The following HCRTR2 variants were observed in gnomAD, a reference collection of about 807,000 sequenced individuals.
The protein encoded by HCRTR2 is orexin receptor type 2.
Under a neutral mutation model 49.0 loss-of-function variants are expected in HCRTR2, and 22 were observed. The observed-to-expected ratio is 0.45, with a 90% CI of 0.32 to 0.64. The LOEUF (loss-of-function observed/expected upper bound fraction) is 0.64. Among genes scored for constraint, HCRTR2 ranks in the 30% least tolerant of loss-of-function variants. The pLI is 0.04. For synonymous variants in HCRTR2, 236 were observed against 205.3 expected (o/e 1.15, Z -1.28); for missense variants, 491 against 559.4 (o/e 0.88, Z 1.23).
intron 1 of HCRTR2, among the ~76,000 whole-genome samples, chr6:55,142,243 C>G (rs1764517495): frequency 6.6e-6 from 1 of 151,800 alleles, no homozygotes; most frequent in East Asian, 1.9e-4. Context: ...GTCGCCCAGG[C>G]TAGAGTGCAG....
intron 4 of HCRTR2, among the ~76,000 whole-genome samples, chr6:55,271,406 A>G (rs1039735410): frequency 1.3e-5 from 2 of 152,140 alleles, no homozygotes; most frequent in African/African-American, 4.8e-5. Context: ...AATGAATCAT[A>G]GATTTATATG....
chr6:55,199,981 G>T (rs183928957), intron 1 of HCRTR2, among the ~76,000 whole-genome samples: 2 of 152,264 alleles, frequency 1.3e-5, no homozygotes, highest in African/African-American at 4.8e-5. Context: ...GCAGAGTGTG[G>T]TGATTAAAGG....
chr6:55,150,565 T>G (rs1764651665), intron 1 of HCRTR2, among the ~76,000 whole-genome samples: 1 of 152,008 alleles, frequency 6.6e-6, no homozygotes, highest in East Asian at 1.9e-4. Context: ...TTTTTCATAT[T>G]TCTTGTATAA....
chr6:55,278,433 T>TGAG (rs1767121467), intron 5 of HCRTR2, among the ~76,000 whole-genome samples: 1 of 152,170 alleles, frequency 6.6e-6, no homozygotes, highest in Non-Finnish European at 1.5e-5. Context: ...AATATTATAT[T>TGAG]CCTCACAGCT....
At chr6:55,221,541 T>C (rs9396061) in intron 1 of HCRTR2, among the ~76,000 whole-genome samples, 36,317 of 152,014 alleles carry the variant, frequency 0.24, 5,443 homozygotes, top group East Asian at 0.69. Flanking sequence ...GGGCCGGGCG[T>C]GGTGGCTCAC....
chr6:55,247,230 A>G (rs1766462956), intron 1 of HCRTR2, among the ~76,000 whole-genome samples: 1 of 152,052 alleles, frequency 6.6e-6, no homozygotes, highest in South Asian at 2.1e-4. Flanking sequence ...GACTACAGTT[A>G]CCCTGATTAA....
intron 1 of HCRTR2, among the ~76,000 whole-genome samples, chr6:55,128,559 G>A (rs1764312378): frequency 6.6e-6 from 1 of 152,078 alleles, no homozygotes; most frequent in African/African-American, 2.4e-5. Flanking sequence ...CATGCTCATG[G>A]GAATATTTTT....
chr6:55,210,789 C>T (rs1453326017), intron 1 of HCRTR2, among the ~76,000 whole-genome samples: 2 of 152,158 alleles, frequency 1.3e-5, no homozygotes, highest in East Asian at 3.9e-4. Flanking sequence ...TAACTTGCAA[C>T]AGCAACAACA....
At chr6:55,259,182 C>T (rs895387270) in intron 3 of HCRTR2, among the ~76,000 whole-genome samples, 1 of 151,478 alleles carries the variant, frequency 6.6e-6, no homozygotes, top group Non-Finnish European at 1.5e-5. Context: ...AGTAGCATCT[C>T]TCTTTTTGAA....
At chr6:55,207,936 G>A (rs909549921) in intron 1 of HCRTR2, among the ~76,000 whole-genome samples, 12 of 152,094 alleles carry the variant, frequency 7.9e-5, no homozygotes, top group South Asian at 2.1e-4. Flanking sequence ...TGTAGTATCC[G>A]TGATCCTAGA....
intron 1 of HCRTR2, among the ~76,000 whole-genome samples, chr6:55,246,804 G>A (rs1766453565): frequency 2.0e-5 from 3 of 151,968 alleles, no homozygotes; most frequent in African/African-American, 7.2e-5. Flanking sequence ...GATGAAACTA[G>A]TTAATAATTT....
downstream of HCRTR2, among the ~76,000 whole-genome samples, chr6:55,283,639 T>C (rs1767235897): frequency 6.6e-6 from 1 of 152,120 alleles, no homozygotes; most frequent in Non-Finnish European, 1.5e-5. Context: ...TTCTTCTGAT[T>C]CAAATATTTA....
At chr6:55,165,826 A>G (rs878904629) in intron 1 of HCRTR2, among the ~76,000 whole-genome samples, 10 of 142,230 alleles carry the variant, frequency 7.0e-5, no homozygotes, top group Non-Finnish European at 1.4e-4. Flanking sequence ...GAATAACCCA[A>G]TCTAAAAAAA....
At position 55,183,914 on chromosome 6, in the gene HCRTR2, C is replaced by G. The variant is rs114484952; in HGVS notation, c.223+9104C>G. Among the ~76,000 whole-genome samples the G allele has an allele frequency of 4.5e-3, 679 of 151,916 alleles. 1 individual carries two copies. Among genetic ancestry groups the G allele is most frequent in the African/African-American group, 0.015 (622 of 41,450 alleles). On this transcript the variant is annotated intron_variant, in intron 1 of 6. Coordinates refer to ENST00000370862, the MANE Select transcript of HCRTR2 (RefSeq NM_001384272.1). Reference sequence around the variant, plus strand: ...TTGCTGAATATTTAAATTTGAGAAGCAATTTCTCTTTTTCTTTTTACTTTT... The same window carrying G: ...TTGCTGAATATTTAAATTTGAGAAGGAATTTCTCTTTTTCTTTTTACTTTT...
At chr6:55,221,540 G>C (rs896522895) in intron 1 of HCRTR2, among the ~76,000 whole-genome samples, 1 of 152,138 alleles carries the variant, frequency 6.6e-6, no homozygotes, top group Non-Finnish European at 1.5e-5. Context: ...TGGGCCGGGC[G>C]TGGTGGCTCA....
chr6:55,183,920 C>A (rs1485588905), intron 1 of HCRTR2, among the ~76,000 whole-genome samples: 2 of 151,890 alleles, frequency 1.3e-5, no homozygotes, highest in Non-Finnish European at 1.5e-5. Flanking sequence ...GAAGCAATTT[C>A]TCTTTTTCTT....
chr6:55,124,320 A>C (rs1181411975), intron 1 of HCRTR2, among the ~76,000 whole-genome samples: 1 of 152,054 alleles, frequency 6.6e-6, no homozygotes, highest in East Asian at 1.9e-4. Context: ...TTATGTCTTC[A>C]TTCTCACTGG....
chr6:55,155,075 A>T (rs1313575933), intron 1 of HCRTR2, among the ~76,000 whole-genome samples: 1 of 151,946 alleles, frequency 6.6e-6, no homozygotes, highest in Non-Finnish European at 1.5e-5. Flanking sequence ...AAAAAATTAA[A>T]GAAGATACAA....
At chr6:55,251,131 T>C (rs961434168) in intron 2 of HCRTR2, among the ~76,000 whole-genome samples, 21 of 152,188 alleles carry the variant, frequency 1.4e-4, no homozygotes, top group African/African-American at 4.1e-4. Context: ...TAATGACTTA[T>C]ATCCCTGATA....
Sources: gnomAD v4.1 joint callset for allele counts (sites outside exome capture counted in the v4.1 genomes callset) on GRCh38, gnomAD v4.1.1 for gene constraint, MANE v1.5 for transcripts, NCBI Gene and HGNC (gene_info 2026-07-23, HGNC 2026-07-21) for gene names.